Variants in DENND11 observed in about 807,000 individuals in gnomAD.
DENND11 encodes the protein DENN domain containing 11, also known as DENN domain-containing protein 11.
DENND11 carries 34 observed loss-of-function variants against 49.2 expected under a neutral mutation model. The ratio of observed to expected loss-of-function variants is 0.69; its 90% confidence interval spans 0.53 to 0.92. DENND11 has a LOEUF of 0.92. Ranked by LOEUF, DENND11 falls within the 40% of genes least tolerant of loss-of-function variation. The probability of loss-of-function intolerance (pLI) is 0.00; values close to 1 mark genes in which losing one functional copy is unlikely to be tolerated. For synonymous variants in DENND11, 238 were observed against 230.3 expected, an observed-to-expected ratio of 1.03 and a Z score of -0.30; for missense variants, 475 against 581.6, an observed-to-expected ratio of 0.82 and a Z score of 1.88.
Position 141,674,050 on chromosome 7 carries a change from AGCAGGG to A in DENND11, c.681+11_681+16del. The stretch of plus-strand genomic sequence containing the variant: ...TACAGATCCAGTATAGTGTAAGAAA[AGCAGGG>A]CTAACCTCACCTTCATCTCAGGGTA... On this transcript the variant is annotated intron_variant, in intron 4 of 8. Coordinates refer to ENST00000536163, the MANE Select transcript of DENND11 (RefSeq NM_001080392.2). 3 of 1,601,976 alleles carry A rather than the reference AGCAGGG, an allele frequency of 1.9e-6. 1 individual carries two copies. In the South Asian group the frequency reaches 3.4e-5, roughly 18 times the overall value.
In DENND11 at chr7:141,685,029, AATATATATATAT is replaced by A. The variant is rs1167922771; in HGVS notation, c.527+437_527+448del. Among the ~76,000 whole-genome samples, 56 of 91,534 alleles carry A rather than the reference AATATATATATAT, an allele frequency of 6.1e-4. 1 individual carries two copies. The highest frequency in any genetic ancestry group is 1.7e-3 in the African/African-American group (40 of 23,170). 60.0% of individuals were successfully genotyped at this position (91,534 alleles called of 152,430 possible). ...GTCTCTACCAAAAAAAAAAAAAAAA[AATATATATATAT>A]ATATATATATATATATATTTTTAAG... On this transcript the variant is annotated intron_variant, in intron 3 of 8. Transcript: ENST00000536163.
At chr7:141,669,281 T>C (rs1346080178) in intron 4 of DENND11, among the ~76,000 whole-genome samples, 1 of 147,226 alleles carries the variant, frequency 6.8e-6, no homozygotes, top group Non-Finnish European at 1.5e-5. Context: ...AGTCTTGCCC[T>C]GTGTGGCCCA....
In DENND11 at chr7:141,673,697, C is replaced by T. The variant is rs143525961; in HGVS notation, c.681+370G>A. ...AAGTACTTCAGGAACAAATACAGAACGAAGTAACATCAGAAGTGTCTTAAC... is the reference window on the plus strand; with the variant it reads ...AAGTACTTCAGGAACAAATACAGAATGAAGTAACATCAGAAGTGTCTTAAC... On this transcript the variant is annotated intron_variant, in intron 4 of 8. Coordinates refer to ENST00000536163, the MANE Select transcript of DENND11 (RefSeq NM_001080392.2). 1.4e-4 allele frequency among the ~76,000 whole-genome samples: 22 copies of T among 152,258 alleles called. No homozygotes were observed. In the East Asian group the frequency reaches 3.1e-3, roughly 21 times the overall value.
intron 1 of DENND11, among the ~76,000 whole-genome samples, chr7:141,687,857 A>G (rs752819340): frequency 1.5e-4 from 22 of 151,688 alleles, no homozygotes; most frequent in Non-Finnish European, 2.5e-4. Flanking sequence ...GATGGTCTCA[A>G]TCTCCTGACC....
intron 7 of DENND11, among the ~76,000 whole-genome samples, chr7:141,664,474 T>C (rs1261303925): frequency 6.6e-6 from 1 of 152,204 alleles, no homozygotes; most frequent in African/African-American, 2.4e-5. Flanking sequence ...ATGATGATGA[T>C]GATGATACTT....
At chr7:141,686,231 T>C (rs1241314758) in intron 2 of DENND11, among the ~76,000 whole-genome samples, 1 of 152,190 alleles carries the variant, frequency 6.6e-6, no homozygotes, top group African/African-American at 2.4e-5. Flanking sequence ...GTTGAACACA[T>C]AGATATCCTC....
intron 1 of DENND11, among the ~76,000 whole-genome samples, chr7:141,700,781 A>G (rs544000475): frequency 3.3e-5 from 5 of 152,022 alleles, no homozygotes; most frequent in African/African-American, 1.2e-4. Context: ...CCCCAAAATT[A>G]CCGGCCTGGA....
intron 1 of DENND11, 98 bp downstream of exon 1, chr7:141,701,788 G>A (rs1798524362): frequency 1.4e-5 from 14 of 991,146 alleles, no homozygotes; most frequent in Non-Finnish European, 1.7e-5. Flanking sequence ...GCGGGGCCGG[G>A]AGGGCAGGTG....
intron 4 of DENND11, among the ~76,000 whole-genome samples, chr7:141,667,619 T>C (rs13244878): frequency 2.8e-4 from 43 of 152,148 alleles, no homozygotes; most frequent in African/African-American, 1.0e-3. Context: ...TCATCACCCA[T>C]CAGGGAGGCA....
intron 4 of DENND11, 121 bp downstream of exon 4, chr7:141,673,946 C>T (rs181636453): frequency 8.0e-7 from 1 of 1,244,362 alleles, no homozygotes; most frequent in Admixed American, 2.7e-5. Flanking sequence ...TCTGTTCTAT[C>T]AAAAGTAGAC....
chr7:141,691,946 A>T (rs1314151867), intron 1 of DENND11, among the ~76,000 whole-genome samples: 2 of 152,174 alleles, frequency 1.3e-5, no homozygotes, highest in East Asian at 1.9e-4. Context: ...GCATGTGTTT[A>T]AAAAAACTGA....
At chr7:141,694,313 T>G (rs1479911408) in intron 1 of DENND11, among the ~76,000 whole-genome samples, 1 of 152,110 alleles carries the variant, frequency 6.6e-6, no homozygotes, top group Non-Finnish European at 1.5e-5. Flanking sequence ...CAGGCTGGAG[T>G]GCAGTGGCCC....
intron 2 of DENND11, 40 bp from the exon 3 acceptor site, chr7:141,685,676 G>A (rs770876749): frequency 1.2e-6 from 2 of 1,600,376 alleles, no homozygotes; most frequent in Non-Finnish European, 1.7e-6. Context: ...CAAGATCAGA[G>A]AGGAATTTTG....
intron 1 of DENND11, 128 bp from the exon 2 acceptor site, chr7:141,686,786 G>C (rs1798250638): frequency 1.5e-6 from 1 of 658,958 alleles, no homozygotes; most frequent in Non-Finnish European, 2.7e-6. Flanking sequence ...AGACCAGCGA[G>C]ATGCTCAGAG....
Position 141,685,121 on chromosome 7 carries a change from C to G in DENND11, c.527+357G>C, listed in dbSNP as rs572776772. ...GAATCCCAATAATAAAAGAAGTAGG[C>G]TTTAAGAAAGTTTAGGATTTCTTTG... On this transcript the variant is annotated intron_variant, in intron 3 of 8. Transcript: ENST00000536163. Among the ~76,000 whole-genome samples, 3 of 146,806 alleles carry G rather than the reference C, an allele frequency of 2.0e-5. No homozygotes were observed. In the South Asian group the frequency reaches 6.4e-4, roughly 32 times the overall value.
At chr7:141,669,506 A>C (rs1409216132) in intron 4 of DENND11, among the ~76,000 whole-genome samples, 2 of 152,114 alleles carry the variant, frequency 1.3e-5, no homozygotes, top group African/African-American at 2.4e-5. Context: ...TTGGCCTCCC[A>C]AAGTGCTGGG....
At position 141,664,978 on chromosome 7, in the gene DENND11, G is replaced by A. The variant is rs1485903334; in HGVS notation, c.1029C>T (p.His343=). The A allele has an allele frequency of 6.2e-7, 1 of 1,613,800 alleles. No individual in the cohort carries two copies. The highest frequency in any genetic ancestry group is 1.7e-5 in the Admixed American group (1 of 60,002). Residue 343 remains histidine (H), a synonymous_variant, in exon 7 of 9, where the codon CAC becomes CAT. Coordinates refer to ENST00000536163, the MANE Select transcript of DENND11 (RefSeq NM_001080392.2). ...TCAGCAGCGGCTGCAGGTGGTCGTGGTGTGTCTTCACATTCTGGTTATCCA... is the reference window on the plus strand; with the variant it reads ...TCAGCAGCGGCTGCAGGTGGTCGTGATGTGTCTTCACATTCTGGTTATCCA... ...VYVDNQNVKT[H]HDHLQPLLKI...
intron 1 of DENND11, among the ~76,000 whole-genome samples, chr7:141,692,274 C>A (rs577119199): frequency 3.9e-5 from 6 of 152,216 alleles, no homozygotes; most frequent in Admixed American, 3.9e-4. Context: ...TTGCGGATAT[C>A]GACAAGTTAA....
intron 3 of DENND11, among the ~76,000 whole-genome samples, chr7:141,685,029 A>AAATATATATATAT (rs1305276426): frequency 1.1e-5 from 1 of 91,544 alleles, no homozygotes; most frequent in Non-Finnish European, 2.0e-5. Context: ...AAAAAAAAAA[A>AAATATATATATAT]ATATATATAT....
Sources: allele counts gnomAD v4.1 joint callset (sites outside exome capture counted in the v4.1 genomes callset), GRCh38; gene constraint gnomAD v4.1.1; transcripts MANE v1.5; gene names NCBI Gene and HGNC (gene_info 2026-07-23, HGNC 2026-07-21).